The following TNFSF4 variants were observed in gnomAD, a reference collection of about 807,000 sequenced individuals.
TNFSF4 encodes the protein TNF superfamily member 4.
TNFSF4 carries 4 observed loss-of-function variants against 7.3 expected under a neutral mutation model. The ratio of observed to expected loss-of-function variants is 0.55; its 90% CI spans 0.27 to 1.25. TNFSF4 has a LOEUF of 1.25. Among genes scored for constraint, TNFSF4 ranks in the 50% most tolerant of loss-of-function variants. TNFSF4 has a pLI of 0.12. For synonymous variants in TNFSF4, 76 were observed against 83.7 expected (o/e 0.91, Z 0.50); for missense variants, 181 against 208.8 (o/e 0.87, Z 0.82).
chr1:173,408,713 G>A, the TNFSF4 span, among the ~76,000 whole-genome samples: 4 of 151,308 alleles, frequency 2.6e-5, no homozygotes, highest in East Asian at 3.9e-4. Context: ...TTAGCCTACC[G>A]AGTAGCTGGG....
the TNFSF4 span, among the ~76,000 whole-genome samples, chr1:173,423,336 A>G: frequency 6.6e-6 from 1 of 152,178 alleles, no homozygotes; most frequent in Non-Finnish European, 1.5e-5. Flanking sequence ...CCATTATTTT[A>G]TTCCCCTTCT....
At chr1:173,379,596 C>T in the TNFSF4 span, among the ~76,000 whole-genome samples, 1 of 152,148 alleles carries the variant, frequency 6.6e-6, no homozygotes, top group Admixed American at 6.5e-5. Flanking sequence ...GAGCCCTGGG[C>T]CCTGAACAAA....
At chr1:173,369,489 G>A in the TNFSF4 span, among the ~76,000 whole-genome samples, 3 of 152,140 alleles carry the variant, frequency 2.0e-5, no homozygotes, top group African/African-American at 4.8e-5. Flanking sequence ...CTGCTTCAGT[G>A]AGCGCAACTA....
chr1:173,357,052 A>T, the TNFSF4 span, among the ~76,000 whole-genome samples: 1 of 152,220 alleles, frequency 6.6e-6, no homozygotes, highest in East Asian at 1.9e-4. Context: ...AGAAGCAAAG[A>T]TATATAAGAT....
the TNFSF4 span, among the ~76,000 whole-genome samples, chr1:173,177,540 C>A: frequency 1.3e-5 from 2 of 152,152 alleles, no homozygotes; most frequent in African/African-American, 2.4e-5. Flanking sequence ...CCATGACACA[C>A]AATTTACCTA....
chr1:173,197,659 GAAC>G (rs933436521), intron 1 of TNFSF4, among the ~76,000 whole-genome samples: 8 of 152,120 alleles, frequency 5.3e-5, no homozygotes, highest in African/African-American at 1.9e-4. Context: ...ACATGTGGGA[GAAC>G]AACACTGGCG....
At chr1:173,365,597 G>A in the TNFSF4 span, among the ~76,000 whole-genome samples, 2 of 152,158 alleles carry the variant, frequency 1.3e-5, no homozygotes, top group Non-Finnish European at 2.9e-5. Flanking sequence ...TGTCCTCATT[G>A]TAGTAGCATT....
At chr1:173,325,691 C>A in the TNFSF4 span, among the ~76,000 whole-genome samples, 3 of 152,148 alleles carry the variant, frequency 2.0e-5, no homozygotes, top group African/African-American at 7.2e-5. Flanking sequence ...GATATCACCA[C>A]CGATCCCACA....
At chr1:173,405,326 T>A in the TNFSF4 span, among the ~76,000 whole-genome samples, 7 of 152,208 alleles carry the variant, frequency 4.6e-5, no homozygotes, top group Non-Finnish European at 8.8e-5. Flanking sequence ...GCACTGCAAC[T>A]CAAATGTAAT....
At chr1:173,189,818 C>T (rs987531177) in intron 1 of TNFSF4, among the ~76,000 whole-genome samples, 5 of 152,056 alleles carry the variant, frequency 3.3e-5, no homozygotes, top group African/African-American at 9.7e-5. Context: ...AAATTGGAAG[C>T]CTGAGGTCAG....
At chr1:173,395,021 TAGATAGATAGATAGATGATA>T in the TNFSF4 span, among the ~76,000 whole-genome samples, 169 of 130,442 alleles carry the variant, frequency 1.3e-3, 1 homozygote, top group African/African-American at 4.2e-3. Context: ...GATAGATAGA[TAGATAGATAGATAGATGATA>T]GATAGATAGA....
upstream of TNFSF4, among the ~76,000 whole-genome samples, chr1:173,209,691 T>A (rs764425735): frequency 3.3e-5 from 5 of 152,094 alleles, no homozygotes; most frequent in Non-Finnish European, 5.9e-5. Flanking sequence ...AAATTTCTTG[T>A]AGAGACTCCC....
At chr1:173,271,830 C>A in the TNFSF4 span, among the ~76,000 whole-genome samples, 2 of 152,126 alleles carry the variant, frequency 1.3e-5, no homozygotes, top group African/African-American at 4.8e-5. Context: ...CCAGTTGACC[C>A]AGCCATCCCA....
the TNFSF4 span, among the ~76,000 whole-genome samples, chr1:173,373,325 G>C: frequency 6.6e-6 from 1 of 152,194 alleles, no homozygotes; most frequent in Non-Finnish European, 1.5e-5. Context: ...TTGCTGCCAG[G>C]AGGAACCTCC....
chr1:173,448,157 C>T, the TNFSF4 span, among the ~76,000 whole-genome samples: 1 of 152,052 alleles, frequency 6.6e-6, no homozygotes, highest in East Asian at 1.9e-4. Context: ...TAGATAAATC[C>T]ACAACCATAG....
chr1:173,302,980 T>C, the TNFSF4 span, among the ~76,000 whole-genome samples: 1 of 151,904 alleles, frequency 6.6e-6, no homozygotes, highest in Non-Finnish European at 1.5e-5. Context: ...GGTATAGGTA[T>C]TAATTGAGGA....
At chr1:173,325,761 T>C in the TNFSF4 span, among the ~76,000 whole-genome samples, 1 of 151,994 alleles carries the variant, frequency 6.6e-6, no homozygotes. Flanking sequence ...AACTAGAGAA[T>C]CTAGAAGAAA....
the TNFSF4 span, among the ~76,000 whole-genome samples, chr1:173,218,885 A>G: frequency 6.6e-6 from 1 of 152,160 alleles, no homozygotes; most frequent in African/African-American, 2.4e-5. Flanking sequence ...GTCCCAAGTA[A>G]CCACAAATTA....
At chr1:173,329,561 A>C in the TNFSF4 span, among the ~76,000 whole-genome samples, 3 of 152,190 alleles carry the variant, frequency 2.0e-5, no homozygotes, top group African/African-American at 7.2e-5. Flanking sequence ...AAGCAATGCA[A>C]AATTAGATAT....
Sources: allele counts gnomAD v4.1 joint callset (sites outside exome capture counted in the v4.1 genomes callset), GRCh38; gene constraint gnomAD v4.1.1; transcripts MANE v1.5; gene names NCBI Gene and HGNC (gene_info 2026-07-23, HGNC 2026-07-21).